The following ZSCAN18 variants were observed in gnomAD, a reference collection of about 807,000 sequenced individuals.
The protein encoded by ZSCAN18 is zinc finger and SCAN domain-containing protein 18.
ZSCAN18 carries 16 observed loss-of-function variants against 31.1 expected under a neutral mutation model. The ratio of observed to expected loss-of-function variants is 0.51; its 90% CI spans 0.35 to 0.78. The LOEUF (loss-of-function observed/expected upper bound fraction) is 0.78, where lower values mean the gene tolerates loss of function less well. Among genes scored for constraint, ZSCAN18 ranks in the 30% least tolerant of loss-of-function variants. The probability of loss-of-function intolerance (pLI) is 0.01; values close to 1 mark genes in which losing one functional copy is unlikely to be tolerated. For missense variants in ZSCAN18, 731 were observed against 697.4 expected, an observed-to-expected ratio of 1.05 and a Z score of -0.54; for synonymous variants, 375 against 320.7, an observed-to-expected ratio of 1.17 and a Z score of -1.81.
chr19:58,102,322 A>T (rs993557124), upstream of ZSCAN18, among the ~76,000 whole-genome samples: 1 of 152,178 alleles, frequency 6.6e-6, no homozygotes, highest in Non-Finnish European at 1.5e-5. Flanking sequence ...TTAGCCGGGC[A>T]TGGTGGCGGG....
Position 58,090,149 on chromosome 19 carries a change from C to T in ZSCAN18, c.119G>A (p.Arg40Lys), listed in dbSNP as rs760561499. The T allele has an allele frequency of 1.2e-6, 2 of 1,613,828 alleles. No homozygotes were observed. Among genetic ancestry groups the T allele is most frequent in the Non-Finnish European group, 1.7e-6 (2 of 1,179,934 alleles). Residue 40 changes from arginine to lysine, a missense_variant, in exon 2 of 7, where the codon AGG becomes AAG. Arg to Lys is a conservative substitution (Grantham distance 26). Transcript: ENST00000601144. This position sits in a 1 kb window ranked among gnomAD's most constrained non-coding sequence, Gnocchi z 4.7. ...QQEEPETIPE[R>K]TPADLEFSRL... The stretch of plus-strand genomic sequence containing the variant: ...GGAGAACTCCAGGTCAGCAGGGGTC[C>T]TCTCAGGGATGGTCTCGGGTTCTTC...
In ZSCAN18 at chr19:58,089,944, C is replaced by G. The variant is rs111570950; in HGVS notation, c.324G>C (p.Trp108Cys). ...LGILPDKVRP[W>C]VVAQYPESCK... ...AGCTCTCAGGGTACTGTGCCACCACCCAGGGCCGGACCTTATCAGGCAGGA... is the reference window on the plus strand; with the variant it reads ...AGCTCTCAGGGTACTGTGCCACCACGCAGGGCCGGACCTTATCAGGCAGGA... The change falls in exon 2 of 7, where the codon TGG (tryptophan) becomes TGC (cysteine). Residue 108 changes from tryptophan to cysteine, a missense_variant. By Grantham distance (215) the Trp-to-Cys change is radical (BLOSUM62 -2). Transcript: ENST00000601144. The G allele has an allele frequency of 6.8e-6, 11 of 1,614,050 alleles. No homozygotes were observed.
At chr19:58,101,805 C>T (rs997134687), upstream of ZSCAN18, among the ~76,000 whole-genome samples, 1 of 151,988 alleles carries the variant, frequency 6.6e-6, no homozygotes, top group Non-Finnish European at 1.5e-5. Flanking sequence ...CAGGTGTGAG[C>T]CACCGCACCC....
At chr19:58,092,789 T>TC in intron 1 of ZSCAN18, 1 of 848,602 alleles carries the variant, frequency 1.2e-6, no homozygotes, top group Non-Finnish European at 1.4e-6. Context: ...TTTTTTTTTT[T>TC]TAAACACAGG....
intron 1 of ZSCAN18, among the ~76,000 whole-genome samples, chr19:58,103,408 T>C (rs938730028): frequency 1.4e-4 from 21 of 152,332 alleles, no homozygotes; most frequent in African/African-American, 4.8e-4. Context: ...CAGCATATGC[T>C]CTCTGTGTCT....
At chr19:58,089,831 C>T in intron 2 of ZSCAN18, 34 bp downstream of exon 2, 1 of 1,578,996 alleles carries the variant, frequency 6.3e-7, no homozygotes, top group Non-Finnish European at 8.6e-7. Flanking sequence ...TCCCCATCTC[C>T]TCTGAGCCAT....
chr19:58,094,410 CAAA>C (rs563713590), intron 1 of ZSCAN18, among the ~76,000 whole-genome samples: 3 of 101,464 alleles, frequency 3.0e-5, no homozygotes. Context: ...GACTCTGTCT[CAAA>C]AAAAAAAAAA....
Position 58,084,541 on chromosome 19 carries a change from C to A in ZSCAN18, c.*144G>T. 1.2e-6 allele frequency: 1 copy of A among 811,908 alleles called. No homozygotes were observed. The highest frequency in any genetic ancestry group is 1.8e-6 in the Non-Finnish European group (1 of 560,274). 50.3% of individuals were successfully genotyped at this position (811,908 alleles called of 1,614,324 possible). A position where few individuals can be genotyped will look rare whatever the true frequency, so the allele number is the denominator to read the frequency against. On this transcript the variant is annotated 3_prime_UTR_variant, in exon 7 of 7. Coordinates refer to ENST00000601144, the MANE Select transcript of ZSCAN18 (RefSeq NM_001145543.2). This position sits in a 1 kb window ranked among gnomAD's most constrained non-coding sequence, Gnocchi z 4.5. ...ACCCTTCTCGTTGGGAGCGCTTAGC[C>A]TCAGGAGCGGATTCAGGGCACAGGC...
intron 2 of ZSCAN18, 107 bp from the exon 3 acceptor site, chr19:58,088,944 C>T: frequency 9.4e-7 from 1 of 1,060,394 alleles, no homozygotes; most frequent in Non-Finnish European, 1.3e-6. Flanking sequence ...CACATCACTA[C>T]CCATCCTGCA....
chr19:58,090,814 T>C lies in ZSCAN18; in HGVS notation c.-119-428A>G, dbSNP rs1272800126. 5.3e-5 allele frequency among the ~76,000 whole-genome samples: 8 copies of C among 150,796 alleles called. No individual in the cohort carries two copies. Among genetic ancestry groups the C allele is most frequent in the Admixed American group, 4.6e-4 (7 of 15,060 alleles). On this transcript the variant is annotated intron_variant, in intron 1 of 6. Transcript: ENST00000601144. This position sits in a 1 kb window ranked among gnomAD's most constrained non-coding sequence, Gnocchi z 4.7. The stretch of plus-strand genomic sequence containing the variant: ...CATGTTGGCCAGGCTGGTCTCAAAC[T>C]CCTGACCTCAAATGGTCCACCCGCC...
intron 1 of ZSCAN18, among the ~76,000 whole-genome samples, chr19:58,104,952 G>A (rs1320941538): frequency 1.3e-5 from 2 of 152,184 alleles, no homozygotes; most frequent in African/African-American, 4.8e-5. Context: ...GCCAGGTAGT[G>A]TTTTCACAAC....
At chr19:58,101,510 TATCTTC>T (rs1201582774), upstream of ZSCAN18, among the ~76,000 whole-genome samples, 603 of 96,268 alleles carry the variant, frequency 6.3e-3, 8 homozygotes, top group African/African-American at 0.019. Flanking sequence ...CCATATACTT[TATCTTC>T]TTCTTTTTTT....
upstream of ZSCAN18, among the ~76,000 whole-genome samples, chr19:58,102,059 T>A (rs1189677172): frequency 1.3e-5 from 2 of 151,938 alleles, no homozygotes; most frequent in Non-Finnish European, 2.9e-5. Flanking sequence ...CACACATGCA[T>A]ACACACACAC....
chr19:58,088,769 C>A lies in ZSCAN18; in HGVS notation c.472G>T (p.Asp158Tyr). Residue 158 changes from aspartate (D) to tyrosine (Y), a missense_variant, in exon 3 of 7, where the codon GAC (aspartate) becomes TAC (tyrosine). By Grantham distance (160) the Asp-to-Tyr change is radical. Transcript: ENST00000601144. ...AGCTCGCCTGGTAGCAGCAGAGGGT[C>A]CATGTGCCTCTCGTACACTCCATCG... is the stretch of plus-strand genomic sequence containing the variant. ...LSDGVYERHM[D>Y]PLLLPGELAS... 6.2e-7 allele frequency: 1 copy of A among 1,610,908 alleles called. No homozygotes were observed. Among genetic ancestry groups the A allele is most frequent in the Non-Finnish European group, 8.5e-7 (1 of 1,179,998 alleles).
At chr19:58,096,072 A>G (rs1445993330) in intron 1 of ZSCAN18, among the ~76,000 whole-genome samples, 1 of 152,100 alleles carries the variant, frequency 6.6e-6, no homozygotes, top group East Asian at 1.9e-4. Context: ...GAGGACTCTC[A>G]GAGATCTCAC....
chr19:58,090,481 C>T lies in ZSCAN18; in HGVS notation c.-119-95G>A. 8.3e-7 allele frequency: 1 copy of T among 1,209,336 alleles called. No homozygotes were observed. Among genetic ancestry groups the T allele is most frequent in the Non-Finnish European group, 1.1e-6 (1 of 884,708 alleles). 74.9% of individuals were successfully genotyped at this position (1,209,336 alleles called of 1,614,324 possible). On this transcript the variant is annotated intron_variant, in intron 1 of 6. Transcript: ENST00000601144. This position sits in a 1 kb window ranked among gnomAD's most constrained non-coding sequence, Gnocchi z 4.7. ...ACAAAGACACCACACCCAGAGTTCA[C>T]ACAGATTTCCAAGAAACCCGCTTGT...
At chr19:58,101,348 A>C (rs1600000725), upstream of ZSCAN18, among the ~76,000 whole-genome samples, 2 of 131,024 alleles carry the variant, frequency 1.5e-5, no homozygotes, top group East Asian at 4.5e-4. Context: ...ACAGGGTTTC[A>C]CCATGTTAGC....
upstream of ZSCAN18, among the ~76,000 whole-genome samples, chr19:58,098,719 A>G (rs1042727662): frequency 3.3e-5 from 5 of 152,230 alleles, no homozygotes; most frequent in Admixed American, 3.3e-4. Context: ...GAAAGAGACC[A>G]GCTCAGGCTC....
intron 1 of ZSCAN18, among the ~76,000 whole-genome samples, chr19:58,115,904 T>A (rs2554966): frequency 0.76 from 115,484 of 151,738 alleles, 44,658 homozygotes; most frequent in Non-Finnish European, 0.84. Flanking sequence ...CACATTCAAC[T>A]TGCCTCCCTA....
Sources: allele counts gnomAD v4.1 joint callset (sites outside exome capture counted in the v4.1 genomes callset), GRCh38; gene constraint gnomAD v4.1.1; non-coding constraint Gnocchi (gnomAD v3.1); transcripts MANE v1.5; gene names NCBI Gene and HGNC (gene_info 2026-07-23, HGNC 2026-07-21).